AHI1: variants seen among roughly 807,000 people sequenced by gnomAD.
The protein encoded by AHI1 is Abelson helper integration site 1.
AHI1 carries 123 observed loss-of-function variants against 149.3 expected under a neutral mutation model. That is an observed-to-expected ratio of 0.82 (90% CI 0.71 to 0.96). The LOEUF (loss-of-function observed/expected upper bound fraction) is 0.96, where lower values mean the gene tolerates loss of function less well. Among genes scored for constraint, AHI1 ranks in the 40% least tolerant of loss-of-function variants. The pLI, the probability that AHI1 is intolerant of heterozygous loss-of-function variation, is 0.00. For synonymous variants in AHI1, 475 were observed against 459.8 expected (o/e 1.03, Z -0.42); for missense variants, 1,439 against 1,422.7 (o/e 1.01, Z -0.18).
At chr6:135,468,906 C>T (rs1458360115) in intron 5 of AHI1, among the ~76,000 whole-genome samples, 1 of 152,164 alleles carries the variant, frequency 6.6e-6, no homozygotes, top group Non-Finnish European at 1.5e-5. Context: ...GATGGATTTA[C>T]AGCTGAATTC....
chr6:135,488,244 CATT>C (rs1304120901), intron 5 of AHI1, among the ~76,000 whole-genome samples: 8 of 152,128 alleles, frequency 5.3e-5, no homozygotes, highest in African/African-American at 1.9e-4. Flanking sequence ...TCATCATGCT[CATT>C]ATTGTTTCTG....
At chr6:135,480,427 C>T (rs539765695) in intron 5 of AHI1, among the ~76,000 whole-genome samples, 2 of 151,858 alleles carry the variant, frequency 1.3e-5, no homozygotes, top group Non-Finnish European at 2.9e-5. Flanking sequence ...CACTGCACTC[C>T]AGCCTGAGTG....
rs9389283 is a variant in AHI1, at chr6:135,289,427, G to A, written c.3588+996C>T. 1.7e-3 allele frequency among the ~76,000 whole-genome samples: 263 copies of A among 152,062 alleles called. 3 individuals carry two copies. Among genetic ancestry groups the A allele is most frequent in the East Asian group, 9.7e-3 (50 of 5,174 alleles). ...GGAGAATCACTTGAACCCGGGAGGT[G>A]GAGACTGCAGTGAGCTGAGATTGCA... On this transcript the variant is annotated intron_variant, in intron 28 of 28. Transcript: ENST00000265602.
intron 3 of AHI1, chr6:135,493,148 G>A (rs538907496): frequency 1.5e-4 from 26 of 172,500 alleles, no homozygotes; most frequent in Non-Finnish European, 2.9e-4. Context: ...ACAGGTGTGC[G>A]CCACCACACC....
At chr6:135,486,514 G>A (rs1202183077) in intron 5 of AHI1, among the ~76,000 whole-genome samples, 1 of 151,884 alleles carries the variant, frequency 6.6e-6, no homozygotes, top group Non-Finnish European at 1.5e-5. Flanking sequence ...CAATTATTAA[G>A]CAGTTCTTGG....
At chr6:135,378,605 C>A (rs9494230) in intron 23 of AHI1, among the ~76,000 whole-genome samples, 5,127 of 152,104 alleles carry the variant, frequency 0.034, 271 homozygotes, top group African/African-American at 0.11. Flanking sequence ...GTGTTCAATC[C>A]TTAAAATATA....
At chr6:135,288,524 C>T (rs1781955433) in intron 28 of AHI1, among the ~76,000 whole-genome samples, 1 of 151,802 alleles carries the variant, frequency 6.6e-6, no homozygotes, top group African/African-American at 2.4e-5. Context: ...AAAAAAATTA[C>T]CATAATCTTA....
rs147242884 is a variant in AHI1 at position 135,473,282 on chromosome 6, C to A, written c.136-5648G>T. ...ATATATATTTGAATCTATTTCTATA[C>A]CCTATTCTGCTCTACTGATTTATAT... On this transcript the variant is annotated intron_variant, in intron 5 of 28. Transcript: ENST00000265602. Among the ~76,000 whole-genome samples, 389 of 152,240 alleles carry A rather than the reference C, an allele frequency of 2.6e-3. 1 individual carries two copies. Among genetic ancestry groups the A allele is most frequent in the Non-Finnish European group, 3.5e-3 (239 of 67,966 alleles).
intron 15 of AHI1, among the ~76,000 whole-genome samples, chr6:135,433,708 C>T (rs113247147): frequency 3.3e-5 from 5 of 151,936 alleles, no homozygotes; most frequent in South Asian, 2.1e-4. Context: ...AGTCTATTAA[C>T]TTTTATATTT....
chr6:135,298,845 A>G (rs1027765628), intron 27 of AHI1, among the ~76,000 whole-genome samples: 1 of 152,220 alleles, frequency 6.6e-6, no homozygotes, highest in African/African-American at 2.4e-5. Flanking sequence ...GAAAACTGGT[A>G]TGAAATGTAG....
In AHI1 at chr6:135,463,283, G is replaced by A. The variant is rs1189153455; in HGVS notation, c.773C>T (p.Thr258Ile). The change falls in exon 8 of 29, where the codon ACA (threonine) becomes ATA (isoleucine). Residue 258 changes from threonine (T) to isoleucine (I), a missense_variant. Thr to Ile is a moderately conservative substitution (Grantham distance 89). Coordinates refer to ENST00000265602, the MANE Select transcript of AHI1 (RefSeq NM_001134831.2). ...ETSTLTISGDTVEGEQKKESS... is the reference protein window; with the variant it reads ...ETSTLTISGDIVEGEQKKESS... ...TTCTTTCTTTTGTTCACCTTCAACT[G>A]TGTCACCAGAGATGGTCAATGTACT... 10 of 1,608,068 alleles carry A rather than the reference G, an allele frequency of 6.2e-6. No individual in the cohort carries two copies. Among genetic ancestry groups the A allele is most frequent in the Non-Finnish European group, 8.5e-6 (10 of 1,178,696 alleles).
At chr6:135,386,053 T>C (rs533234528) in intron 23 of AHI1, among the ~76,000 whole-genome samples, 1 of 152,324 alleles carries the variant, frequency 6.6e-6, no homozygotes, top group East Asian at 1.9e-4. Flanking sequence ...AGGCAGGGTG[T>C]ATAATTTTTA....
intron 24 of AHI1, among the ~76,000 whole-genome samples, chr6:135,326,137 G>C (rs956045163): frequency 2.0e-5 from 3 of 152,126 alleles, no homozygotes; most frequent in African/African-American, 7.2e-5. Context: ...TCTGCATTCT[G>C]TGACTGTTAT....
Position 135,433,169 on chromosome 6 carries a change from A to G in AHI1, c.2124T>C (p.Ala708=). Reference sequence around the variant, plus strand: ...ATCCTGTAACTACTAGCTCTCTTACAGCTGGATGGAATTTAGCCGTGTAAA... The same window carrying G: ...ATCCTGTAACTACTAGCTCTCTTACGGCTGGATGGAATTTAGCCGTGTAAA... ...SFVYTAKFHP[A]VRELVVTGCY... is the part of the protein sequence containing the mutation. Residue 708 remains alanine, a synonymous_variant, in exon 16 of 29, where the codon GCT becomes GCC. Transcript: ENST00000265602. The G allele has an allele frequency of 6.2e-7, 1 of 1,613,250 alleles. No homozygotes were observed. Among genetic ancestry groups the G allele is most frequent in the Non-Finnish European group, 8.5e-7 (1 of 1,179,276 alleles).
intron 24 of AHI1, among the ~76,000 whole-genome samples, chr6:135,350,628 T>C (rs1393130064): frequency 6.6e-6 from 1 of 151,964 alleles, no homozygotes; most frequent in Admixed American, 6.6e-5. Context: ...AAAGAAAGTG[T>C]AATAATAAAG....
intron 24 of AHI1, among the ~76,000 whole-genome samples, chr6:135,327,519 TTA>T (rs1787887994): frequency 6.6e-6 from 1 of 152,194 alleles, no homozygotes; most frequent in South Asian, 2.1e-4. Flanking sequence ...ATAATATGTA[TTA>T]TGTTTCTGTT....
chr6:135,453,695 A>T (rs1018362594), intron 10 of AHI1, among the ~76,000 whole-genome samples: 1 of 152,158 alleles, frequency 6.6e-6, no homozygotes, highest in Non-Finnish European at 1.5e-5. Flanking sequence ...AATCACCTCA[A>T]ATATAACCTA....
chr6:135,394,997 A>C, intron 22 of AHI1, 101 bp from the exon 23 acceptor site: 1 of 1,221,036 alleles, frequency 8.2e-7, no homozygotes, highest in South Asian at 1.5e-5. Flanking sequence ...ACCAGGACAC[A>C]TGATAGGTCA....
intron 16 of AHI1, 148 bp downstream of exon 16, chr6:135,432,879 G>GTCA: frequency 3.3e-6 from 2 of 602,140 alleles, no homozygotes; most frequent in Non-Finnish European, 5.8e-6. Flanking sequence ...GTCCCTTAGT[G>GTCA]TCATATCTAT....
Sources: gnomAD v4.1 joint callset for allele counts (sites outside exome capture counted in the v4.1 genomes callset) on GRCh38, gnomAD v4.1.1 for gene constraint, MANE v1.5 for transcripts, NCBI Gene and HGNC (gene_info 2026-07-23, HGNC 2026-07-21) for gene names.